The following CAMTA1 variants were observed in gnomAD, a reference collection of about 807,000 sequenced individuals.
CAMTA1 encodes the protein calmodulin binding transcription activator 1, also known as calmodulin-binding transcription activator 1.
Under a neutral mutation model 170.9 loss-of-function variants are expected in CAMTA1, and 27 were observed. The observed-to-expected ratio is 0.16, with a 90% confidence interval of 0.12 to 0.22. The LOEUF (loss-of-function observed/expected upper bound fraction) is 0.22, where lower values mean the gene tolerates loss of function less well. Ranked by LOEUF, CAMTA1 falls within the 10% of genes least tolerant of loss-of-function variation. The pLI is 1.00. For missense variants in CAMTA1, 1,619 were observed against 2,217.2 expected (o/e 0.73, Z 5.42); for synonymous variants, 833 against 891.5 (o/e 0.93, Z 1.17).
At chr1:7,381,388 A>G (rs1217569314) in intron 5 of CAMTA1, among the ~76,000 whole-genome samples, 39 of 148,934 alleles carry the variant, frequency 2.6e-4, no homozygotes, top group Admixed American at 2.5e-3. Context: ...CCCACCTATG[A>G]GTGAGAATAT....
chr1:7,058,616 G>A (rs968193367), intron 3 of CAMTA1, among the ~76,000 whole-genome samples: 2 of 152,138 alleles, frequency 1.3e-5, no homozygotes, highest in Non-Finnish European at 2.9e-5. Flanking sequence ...CCTCTGTGGG[G>A]TGTTGGAGTT....
chr1:7,221,906 T>TACACACACACACACAC lies in CAMTA1; in HGVS notation c.303-27579_303-27564dup, dbSNP rs34399218. Among the ~76,000 whole-genome samples, 839 of 147,620 alleles carry TACACACACACACACAC rather than the reference T, an allele frequency of 5.7e-3. 21 individuals carry two copies. The highest frequency in any genetic ancestry group is 0.02 in the African/African-American group (776 of 39,202). On this transcript the variant is annotated intron_variant, in intron 4 of 22. Coordinates refer to ENST00000303635, the MANE Select transcript of CAMTA1 (RefSeq NM_015215.4). ...GAGGGCATGTGCACAAGCTGGTGCA[T>TACACACACACACACAC]ACACACACACACACACACACATACA...
At chr1:7,199,609 C>T (rs1031965755) in intron 4 of CAMTA1, among the ~76,000 whole-genome samples, 4 of 152,132 alleles carry the variant, frequency 2.6e-5, no homozygotes, top group Non-Finnish European at 4.4e-5. Flanking sequence ...GCACGCCCAG[C>T]CCTTGGTCCT....
chr1:7,375,238 T>TG (rs995264939), intron 5 of CAMTA1, among the ~76,000 whole-genome samples: 6 of 152,114 alleles, frequency 3.9e-5, no homozygotes, highest in African/African-American at 1.4e-4. Context: ...GATGAGCTTC[T>TG]GGGAGATAGG....
At chr1:7,276,293 A>T (rs1387115257) in intron 5 of CAMTA1, among the ~76,000 whole-genome samples, 5,773 of 20,690 alleles carry the variant, frequency 0.28, 433 homozygotes, top group Non-Finnish European at 0.34. Flanking sequence ...ATATATATAT[A>T]TATATATATA....
chr1:7,563,822 C>T (rs991756117), intron 6 of CAMTA1, among the ~76,000 whole-genome samples: 4 of 152,214 alleles, frequency 2.6e-5, no homozygotes, highest in African/African-American at 9.6e-5. Context: ...ATTGTGTGCC[C>T]TGCAAACAAA....
chr1:7,326,723 CAGACTTA>C (rs1317538026), intron 5 of CAMTA1, among the ~76,000 whole-genome samples: 14 of 152,210 alleles, frequency 9.2e-5, no homozygotes, highest in African/African-American at 3.4e-4. Context: ...ACCTTGATTT[CAGACTTA>C]AGACTTCCAG....
chr1:7,680,817 G>T lies in CAMTA1; in HGVS notation c.2914+3084G>T, dbSNP rs941971341. 1.5e-4 allele frequency among the ~76,000 whole-genome samples: 22 copies of T among 145,910 alleles called. No homozygotes were observed. The highest frequency in any genetic ancestry group is 2.2e-4 in the Non-Finnish European group (14 of 64,744). ...TTTGCTTGGCTAAAGGCCGGGGGGG[G>T]GCGTGGGTCCGGGGCGCAGAGAACA... On this transcript the variant is annotated intron_variant, in intron 11 of 22. Transcript: ENST00000303635. This position sits in a 1 kb window ranked among gnomAD's most constrained non-coding sequence, Gnocchi z 4.4.
intron 17 of CAMTA1, 30 bp from the exon 18 acceptor site, chr1:7,745,815 C>T (rs1232394803): frequency 6.2e-7 from 1 of 1,612,282 alleles, no homozygotes; most frequent in Non-Finnish European, 8.5e-7. Flanking sequence ...AATCATTAAT[C>T]TGTCTCTCCT....
chr1:6,940,750 G>A (rs1452978093), intron 3 of CAMTA1, among the ~76,000 whole-genome samples: 1 of 151,996 alleles, frequency 6.6e-6, no homozygotes, highest in East Asian at 1.9e-4. Flanking sequence ...TGGAGCCCTC[G>A]GAGTTGAGGG....
chr1:6,820,091 A>G, intron 1 of CAMTA1, 90 bp from the exon 2 acceptor site: 1 of 771,812 alleles, frequency 1.3e-6, no homozygotes, highest in Non-Finnish European at 2.3e-6. Flanking sequence ...GATTAGATTC[A>G]GGTTTTGCAT....
At chr1:7,749,628 A>G (rs1481719776) in intron 19 of CAMTA1, 1 of 343,470 alleles carries the variant, frequency 2.9e-6, no homozygotes, top group Non-Finnish European at 5.7e-6. Context: ...TATAAAACAA[A>G]TATTTTGGAA....
In CAMTA1 at chr1:6,889,759, C is replaced by T. The variant is rs147001333; in HGVS notation, c.234+64549C>T. On this transcript the variant is annotated intron_variant, in intron 3 of 22. Coordinates refer to ENST00000303635, the MANE Select transcript of CAMTA1 (RefSeq NM_015215.4). ...AAGATGCTGGGATGGGTTATCCATA[C>T]GACAACCCCTGTGACCAGAGATGCA... Among the ~76,000 whole-genome samples the T allele has an allele frequency of 1.6e-4, 25 of 152,232 alleles. No individual in the cohort carries two copies. In the East Asian group the frequency reaches 3.5e-3, roughly 21 times the overall value.
At chr1:7,062,404 T>C (rs948500814) in intron 3 of CAMTA1, among the ~76,000 whole-genome samples, 3 of 152,126 alleles carry the variant, frequency 2.0e-5, no homozygotes, top group South Asian at 2.1e-4. Flanking sequence ...AAGAAGAAGA[T>C]AGAATGAGGC....
At chr1:6,832,736 C>T (rs539963501) in intron 3 of CAMTA1, among the ~76,000 whole-genome samples, 21 of 152,216 alleles carry the variant, frequency 1.4e-4, no homozygotes, top group African/African-American at 3.1e-4. Flanking sequence ...GTGGTTTGAA[C>T]GGTCCCAGAT....
chr1:6,917,254 C>A (rs1169003614), intron 3 of CAMTA1, among the ~76,000 whole-genome samples: 3 of 151,960 alleles, frequency 2.0e-5, no homozygotes, highest in African/African-American at 7.3e-5. Context: ...GAGGGTGTGG[C>A]TGGTGCAGGA....
At chr1:7,477,965 T>A (rs2093449024) in intron 6 of CAMTA1, among the ~76,000 whole-genome samples, 1 of 152,266 alleles carries the variant, frequency 6.6e-6, no homozygotes, top group South Asian at 2.1e-4. Flanking sequence ...ACCACCCTTA[T>A]GAGCCAAGTG....
chr1:7,700,512 A>G (rs2096428076), intron 11 of CAMTA1, among the ~76,000 whole-genome samples: 1 of 152,174 alleles, frequency 6.6e-6, no homozygotes, highest in African/African-American at 2.4e-5. Context: ...GTAACAACCA[A>G]TTCAATCTCA....
intron 5 of CAMTA1, among the ~76,000 whole-genome samples, chr1:7,415,000 C>G (rs1281744188): frequency 1.3e-5 from 2 of 150,528 alleles, no homozygotes; most frequent in East Asian, 3.9e-4. Context: ...TTATTTCTGC[C>G]TTCATTTCGT....
Sources: allele counts gnomAD v4.1 joint callset (sites outside exome capture counted in the v4.1 genomes callset), GRCh38; gene constraint gnomAD v4.1.1; non-coding constraint Gnocchi (gnomAD v3.1); transcripts MANE v1.5; gene names NCBI Gene and HGNC (gene_info 2026-07-23, HGNC 2026-07-21).